Variants in FAM107B observed in about 807,000 individuals in gnomAD.
FAM107B encodes the protein family with sequence similarity 107 member B.
In FAM107B, 21 loss-of-function variants were observed where a neutral mutation model predicts 31.5. The ratio of observed to expected loss-of-function variants is 0.67; its 90% CI spans 0.47 to 0.96. FAM107B has a LOEUF of 0.96. Ranked by LOEUF, FAM107B falls within the 40% of genes least tolerant of loss-of-function variation. The pLI is 0.00. For synonymous variants in FAM107B, 157 were observed against 141.5 expected, an observed-to-expected ratio of 1.11 and a Z score of -0.78; for missense variants, 452 against 377.1, an observed-to-expected ratio of 1.20 and a Z score of -1.64.
intron 1 of FAM107B, among the ~76,000 whole-genome samples, chr10:14,685,148 T>A (rs1449297563): frequency 6.5e-4 from 95 of 146,078 alleles, no homozygotes; most frequent in Admixed American, 2.1e-3. Flanking sequence ...TTTTATTTTT[T>A]TTTTTTTTTT....
At chr10:14,559,391 G>C (rs1307260244) in intron 2 of FAM107B, among the ~76,000 whole-genome samples, 1 of 151,882 alleles carries the variant, frequency 6.6e-6, no homozygotes, top group Non-Finnish European at 1.5e-5. Flanking sequence ...GTGATAAATG[G>C]TCCTGGCAGA....
At chr10:14,581,970 G>C (rs1261406757) in intron 2 of FAM107B, among the ~76,000 whole-genome samples, 1 of 152,184 alleles carries the variant, frequency 6.6e-6, no homozygotes, top group Non-Finnish European at 1.5e-5. Context: ...CAGCTGTACA[G>C]AATTTGGTAT....
chr10:14,597,858 G>A (rs546544878), intron 2 of FAM107B, among the ~76,000 whole-genome samples: 2 of 152,172 alleles, frequency 1.3e-5, no homozygotes, highest in African/African-American at 2.4e-5. Flanking sequence ...GCTGAGGCAG[G>A]AGAATCGCTT....
At chr10:14,562,632 C>G (rs1409916343) in intron 2 of FAM107B, among the ~76,000 whole-genome samples, 1 of 152,204 alleles carries the variant, frequency 6.6e-6, no homozygotes, top group East Asian at 1.9e-4. Context: ...AAGTAGCAAT[C>G]CTTTACGACA....
chr10:14,765,776 T>A (rs370983305), intron 1 of FAM107B, among the ~76,000 whole-genome samples: 1 of 152,220 alleles, frequency 6.6e-6, no homozygotes, highest in East Asian at 1.9e-4. Context: ...TTTTTGTAGG[T>A]AGGCTAAAAT....
rs141194616 is a variant in FAM107B at position 14,713,444 on chromosome 10, T to G, written c.412-45753A>C. 1.1e-3 allele frequency among the ~76,000 whole-genome samples: 174 copies of G among 152,304 alleles called. No individual in the cohort carries two copies. In the Middle Eastern group the frequency reaches 0.014, roughly 12 times the overall value. ...AGCAATCTGTGACCCAGGGACAGTC[T>G]TTGAGCAGGAAGAACTGGCACGAAT... On this transcript the variant is annotated intron_variant, in intron 1 of 4. Transcript: ENST00000181796.
intron 3 of FAM107B, among the ~76,000 whole-genome samples, chr10:14,526,835 T>C (rs970812701): frequency 6.6e-6 from 1 of 151,844 alleles, no homozygotes. Context: ...ATATCAGAAA[T>C]ATTAATTTTT....
At chr10:14,659,438 C>CAAAACAAA (rs1854165757) in intron 2 of FAM107B, among the ~76,000 whole-genome samples, 1 of 113,990 alleles carries the variant, frequency 8.8e-6, no homozygotes, top group Admixed American at 9.3e-5. Flanking sequence ...AAAACTCCGT[C>CAAAACAAA]TCAAAACAAA....
chr10:14,543,552 G>T (rs972921993), intron 2 of FAM107B, among the ~76,000 whole-genome samples: 1 of 151,948 alleles, frequency 6.6e-6, no homozygotes, highest in Admixed American at 6.6e-5. Flanking sequence ...GGCCACCCTC[G>T]CTCTCAGCTG....
intron 1 of FAM107B, among the ~76,000 whole-genome samples, chr10:14,761,104 T>A (rs112597359): frequency 6.0e-5 from 9 of 149,788 alleles, no homozygotes; most frequent in Admixed American, 2.7e-4. Context: ...CAGGAACACA[T>A]AATTTCAAAT....
intron 2 of FAM107B, among the ~76,000 whole-genome samples, chr10:14,629,475 TATATATAACATATATA>T (rs1853290200): frequency 9.1e-6 from 1 of 110,000 alleles, no homozygotes; most frequent in Non-Finnish European, 1.7e-5. Flanking sequence ...ATATTTAATA[TATATATAACATATATA>T]ATATATATAT....
intron 1 of FAM107B, among the ~76,000 whole-genome samples, chr10:14,764,081 G>C (rs543240947): frequency 4.6e-5 from 7 of 152,340 alleles, no homozygotes; most frequent in African/African-American, 1.7e-4. Context: ...AGATGGGTGA[G>C]AGTGGTTTTA....
rs760080319 is a variant in FAM107B at position 14,530,505 on chromosome 10, A to T, written c.480T>A (p.Pro160=). 11 of 1,611,636 alleles carry T rather than the reference A, an allele frequency of 6.8e-6. No individual in the cohort carries two copies. The highest frequency in any genetic ancestry group is 1.7e-4 in the Middle Eastern group (1 of 6,056). The change falls in exon 3 of 5, where the codon CCT becomes CCA. Residue 160 remains proline, a synonymous_variant. Coordinates refer to ENST00000181796, the MANE Select transcript of FAM107B (RefSeq NM_031453.4). ...LEQKMTSDSP[P]EDIDHKDSYL... is the part of the protein sequence containing the mutation. ...ATGAGTCCTTATGGTCAATATCCTC[A>T]GGTGGGCTGTCTGAAAGAGAAAGAT...
At chr10:14,708,279 C>T (rs750653589) in intron 1 of FAM107B, among the ~76,000 whole-genome samples, 16 of 151,954 alleles carry the variant, frequency 1.1e-4, no homozygotes, top group Non-Finnish European at 2.2e-4. Flanking sequence ...TGGGGTTTTG[C>T]CATGTTAGCC....
intron 2 of FAM107B, among the ~76,000 whole-genome samples, chr10:14,629,319 A>AT (rs1400283052): frequency 7.4e-5 from 9 of 122,354 alleles, no homozygotes; most frequent in East Asian, 2.1e-4. Flanking sequence ...TATATATAAT[A>AT]TATAAATTAT....
chr10:14,652,333 A>C (rs999366752), intron 2 of FAM107B, among the ~76,000 whole-genome samples: 28 of 152,180 alleles, frequency 1.8e-4, no homozygotes, highest in African/African-American at 6.3e-4. Flanking sequence ...TAAACTCACT[A>C]AGTCAGAAAG....
At chr10:14,530,575 T>C in intron 2 of FAM107B, 60 bp from the exon 3 acceptor site, 2 of 1,517,586 alleles carry the variant, frequency 1.3e-6, no homozygotes, top group Non-Finnish European at 9.0e-7. Context: ...TTCCCACACA[T>C]GCAGAGGCCC....
chr10:14,626,508 C>CT (rs34192094), intron 2 of FAM107B, among the ~76,000 whole-genome samples: 2 of 108,542 alleles, frequency 1.8e-5, no homozygotes, highest in African/African-American at 6.6e-5. Context: ...TCTTTTTTTT[C>CT]TTTTTTTTTT....
chr10:14,591,452 T>A (rs1465581480), intron 2 of FAM107B, among the ~76,000 whole-genome samples: 1 of 152,228 alleles, frequency 6.6e-6, no homozygotes, highest in Non-Finnish European at 1.5e-5. Flanking sequence ...CTTTTTTCTG[T>A]GAATTCTGTA....
Sources: gnomAD v4.1 joint callset for allele counts (sites outside exome capture counted in the v4.1 genomes callset) on GRCh38, gnomAD v4.1.1 for gene constraint, MANE v1.5 for transcripts, NCBI Gene and HGNC (gene_info 2026-07-23, HGNC 2026-07-21) for gene names.